Variants in LYG1 observed in about 807,000 individuals in gnomAD.
LYG1 encodes the protein lysozyme g-like protein 1.
In LYG1, 17 loss-of-function variants were observed where a neutral mutation model predicts 21.7. That is an observed-to-expected ratio of 0.78 (90% CI 0.54 to 1.18). The LOEUF (loss-of-function observed/expected upper bound fraction) is 1.18. Among genes scored for constraint, LYG1 ranks in the 50% most tolerant of loss-of-function variants. The probability of loss-of-function intolerance (pLI) is 0.00; values close to 1 mark genes in which losing one functional copy is unlikely to be tolerated. For missense variants in LYG1, 211 were observed against 238.1 expected, an observed-to-expected ratio of 0.89 and a Z score of 0.75; for synonymous variants, 81 against 87.4, an observed-to-expected ratio of 0.93 and a Z score of 0.41.
At chr2:99,299,848 A>G (rs1382027504) in intron 1 of LYG1, among the ~76,000 whole-genome samples, 1 of 151,562 alleles carries the variant, frequency 6.6e-6, no homozygotes, top group Non-Finnish European at 1.5e-5. Flanking sequence ...TAAAGGCCTT[A>G]CCAGTAGCAT....
chr2:99,288,389 G>A (rs1024884821), intron 5 of LYG1, among the ~76,000 whole-genome samples: 2 of 152,076 alleles, frequency 1.3e-5, no homozygotes, highest in African/African-American at 4.8e-5. Flanking sequence ...CATAAACCAT[G>A]TAAATCTGGA....
intron 5 of LYG1, among the ~76,000 whole-genome samples, chr2:99,285,023 G>A (rs779713341): frequency 6.6e-6 from 1 of 152,146 alleles, no homozygotes; most frequent in Non-Finnish European, 1.5e-5. Context: ...TTGCCAGACA[G>A]GTGGAGAGAA....
upstream of LYG1, among the ~76,000 whole-genome samples, chr2:99,302,148 T>A (rs1343967681): frequency 1.3e-5 from 2 of 151,930 alleles, no homozygotes; most frequent in Non-Finnish European, 2.9e-5. Flanking sequence ...TTCGTCTTTA[T>A]AATACCAGCA....
At chr2:99,301,494 GAAGAAGGAAGGAAGGA>G (rs2094154010), upstream of LYG1, among the ~76,000 whole-genome samples, 3 of 97,408 alleles carry the variant, frequency 3.1e-5, no homozygotes, top group Admixed American at 4.2e-4. Context: ...GAAAGAAAAG[GAAGAAGGAAGGAAGGA>G]AGGGAGGGAG....
intron 5 of LYG1, among the ~76,000 whole-genome samples, chr2:99,288,553 CTT>C (rs1287889365): frequency 2.2e-5 from 2 of 90,102 alleles, no homozygotes; most frequent in South Asian, 2.9e-4. Context: ...CCTTTTTACT[CTT>C]GTCTTAACTA....
intron 5 of LYG1, among the ~76,000 whole-genome samples, chr2:99,287,311 TG>T (rs1317973066): frequency 6.6e-6 from 1 of 152,074 alleles, no homozygotes. Flanking sequence ...CACTTGTAAG[TG>T]GGAGCTAGAT....
At chr2:99,292,344 A>T (rs1413143720) in intron 4 of LYG1, among the ~76,000 whole-genome samples, 192 bp downstream of exon 4, 1 of 152,192 alleles carries the variant, frequency 6.6e-6, no homozygotes, top group Non-Finnish European at 1.5e-5. Context: ...TGTCAATCAG[A>T]GCTCACAACA....
Position 99,284,757 on chromosome 2 carries a change from C to G in LYG1, c.397G>C (p.Val133Leu), listed in dbSNP as rs2105287437. 3.1e-6 allele frequency: 5 copies of G among 1,613,964 alleles called. No individual in the cohort carries two copies. The East Asian group carries it at 1.1e-4, about 36-fold the overall frequency. ...SESQVSQTTE[V>L]LTTRIKEIQR... is the part of the protein sequence containing the mutation. Reference sequence around the variant, plus strand: ...ATTTCTTTGATTCTAGTAGTCAGAACTTCAGTTGTCTGGGAAACCTGAGAC... The same window carrying G: ...ATTTCTTTGATTCTAGTAGTCAGAAGTTCAGTTGTCTGGGAAACCTGAGAC... The change falls in exon 6 of 7, where the codon GTT becomes CTT. Residue 133 changes from valine to leucine, a missense_variant. Coordinates refer to ENST00000308528, the MANE Select transcript of LYG1 (RefSeq NM_174898.3).
chr2:99,289,135 G>A (rs2094111183), intron 5 of LYG1, among the ~76,000 whole-genome samples: 1 of 152,050 alleles, frequency 6.6e-6, no homozygotes, highest in Admixed American at 6.6e-5. Context: ...TGCACAATAA[G>A]CTTCGAGAGT....
chr2:99,302,549 TTTG>T (rs1374711770), upstream of LYG1, among the ~76,000 whole-genome samples: 1 of 152,172 alleles, frequency 6.6e-6, no homozygotes, highest in Non-Finnish European at 1.5e-5. Context: ...AGCACTTTGG[TTTG>T]TTGTTGTCTT....
chr2:99,294,144 G>A (rs538650589), intron 3 of LYG1, among the ~76,000 whole-genome samples: 11 of 152,204 alleles, frequency 7.2e-5, no homozygotes, highest in South Asian at 2.1e-4. Flanking sequence ...AAACTCCTGA[G>A]CTCAAGCAAT....
chr2:99,285,513 GCA>G (rs1015002932), intron 5 of LYG1, among the ~76,000 whole-genome samples: 1 of 152,162 alleles, frequency 6.6e-6, no homozygotes, highest in African/African-American at 2.4e-5. Flanking sequence ...TGAAAAAAAA[GCA>G]CACTCCTGGG....
At chr2:99,298,091 C>A (rs1168018088) in intron 2 of LYG1, among the ~76,000 whole-genome samples, 1 of 152,134 alleles carries the variant, frequency 6.6e-6, no homozygotes, top group African/African-American at 2.4e-5. Flanking sequence ...CTCTATGGCC[C>A]AACTTTACAA....
intron 3 of LYG1, among the ~76,000 whole-genome samples, chr2:99,293,488 CT>C (rs1036396164): frequency 6.6e-5 from 10 of 152,196 alleles, no homozygotes; most frequent in Non-Finnish European, 1.5e-4. Flanking sequence ...CTCAGGTACA[CT>C]TCTAGATAAG....
upstream of LYG1, among the ~76,000 whole-genome samples, chr2:99,304,223 T>G (rs747769925): frequency 6.6e-6 from 1 of 151,972 alleles, no homozygotes; most frequent in Non-Finnish European, 1.5e-5. Flanking sequence ...TGGGAGACAA[T>G]TGAATCATGG....
chr2:99,301,700 T>C (rs1266292782), upstream of LYG1, among the ~76,000 whole-genome samples: 1 of 134,042 alleles, frequency 7.5e-6, no homozygotes, highest in Non-Finnish European at 1.7e-5. Flanking sequence ...TTTAAATGAA[T>C]GGCCAAGACT....
chr2:99,293,378 G>A (rs2094126721), intron 3 of LYG1, among the ~76,000 whole-genome samples: 1 of 152,154 alleles, frequency 6.6e-6, no homozygotes, highest in Non-Finnish European at 1.5e-5. Flanking sequence ...TGTTTGCTCT[G>A]GAGAAACAAG....
chr2:99,299,653 G>C (rs1453511030), intron 1 of LYG1, among the ~76,000 whole-genome samples: 2 of 151,978 alleles, frequency 1.3e-5, no homozygotes, highest in Admixed American at 1.3e-4. Context: ...TCAAACTCCA[G>C]GGCTCAAGCA....
chr2:99,289,368 A>C (rs753463929), intron 5 of LYG1, among the ~76,000 whole-genome samples: 1 of 151,622 alleles, frequency 6.6e-6, no homozygotes, highest in Non-Finnish European at 1.5e-5. Context: ...GCTGAGGAGG[A>C]TCGTGTGAGC....
Sources: gnomAD v4.1 joint callset for allele counts (sites outside exome capture counted in the v4.1 genomes callset) on GRCh38, gnomAD v4.1.1 for gene constraint, MANE v1.5 for transcripts, NCBI Gene and HGNC (gene_info 2026-07-23, HGNC 2026-07-21) for gene names.